Variants in STK3 observed in about 807,000 individuals in gnomAD.
The protein encoded by STK3 is serine/threonine-protein kinase 3.
Under a neutral mutation model 58.0 loss-of-function variants are expected in STK3, and 41 were observed. The ratio of observed to expected loss-of-function variants is 0.71; its 90% CI spans 0.55 to 0.92. The LOEUF (loss-of-function observed/expected upper bound fraction) is 0.92, where lower values mean the gene tolerates loss of function less well. STK3 is among the 40% of genes least tolerant of loss of function. The probability of loss-of-function intolerance (pLI) is 0.00; values close to 1 mark genes in which losing one functional copy is unlikely to be tolerated. For missense variants in STK3, 479 were observed against 602.7 expected, an observed-to-expected ratio of 0.79 and a Z score of 2.15; for synonymous variants, 170 against 191.0, an observed-to-expected ratio of 0.89 and a Z score of 0.91.
intron 3 of STK3, among the ~76,000 whole-genome samples, chr8:98,840,628 T>TATATATATAC (rs1477381215): frequency 2.4e-4 from 27 of 114,426 alleles, no homozygotes; most frequent in Non-Finnish European, 3.4e-4. Context: ...TATATATATA[T>TATATATATAC]ACACACACAT....
At chr8:98,637,709 A>G (rs1563832785) in intron 6 of STK3, among the ~76,000 whole-genome samples, 1 of 152,174 alleles carries the variant, frequency 6.6e-6, no homozygotes, top group Non-Finnish European at 1.5e-5. Flanking sequence ...AAAGTATAAT[A>G]ATCCTTTTTA....
chr8:98,856,470 G>T (rs1436377364), intron 3 of STK3, among the ~76,000 whole-genome samples: 1 of 152,162 alleles, frequency 6.6e-6, no homozygotes, highest in African/African-American at 2.4e-5. Context: ...GACATCATTA[G>T]TCATCAAGGA....
At chr8:98,815,460 G>C (rs1834485539) in intron 1 of STK3, among the ~76,000 whole-genome samples, 1 of 152,182 alleles carries the variant, frequency 6.6e-6, no homozygotes, top group South Asian at 2.1e-4. Context: ...TGGAGAAATG[G>C]ATGATTCCAG....
At chr8:98,458,498 T>C (rs1292470427) in intron 10 of STK3, among the ~76,000 whole-genome samples, 1 of 151,246 alleles carries the variant, frequency 6.6e-6, no homozygotes, top group Middle Eastern at 3.2e-3. Context: ...GATTCTCAGC[T>C]TGGTCACTGT....
At chr8:98,448,611 CTAAT>C (rs1819058495) in intron 1 of STK3, among the ~76,000 whole-genome samples, 2 of 152,164 alleles carry the variant, frequency 1.3e-5, no homozygotes, top group Non-Finnish European at 2.9e-5. Context: ...TTCCACTCAA[CTAAT>C]TACAGTTCAC....
At chr8:98,772,480 C>T (rs867374631) in intron 2 of STK3, among the ~76,000 whole-genome samples, 1 of 152,148 alleles carries the variant, frequency 6.6e-6, no homozygotes, top group South Asian at 2.1e-4. Flanking sequence ...GGGAAGATCA[C>T]CTGAGGTCAG....
intron 1 of STK3, among the ~76,000 whole-genome samples, chr8:98,825,283 T>A (rs1835175637): frequency 6.6e-6 from 1 of 151,956 alleles, no homozygotes; most frequent in Non-Finnish European, 1.5e-5. Flanking sequence ...CACCCGACTT[T>A]CCACGCGCCA....
intron 1 of STK3, among the ~76,000 whole-genome samples, chr8:98,897,027 GAAAGA>G (rs1238676796): frequency 3.4e-5 from 5 of 145,374 alleles, no homozygotes; most frequent in Non-Finnish European, 6.2e-5. Flanking sequence ...AAGAGAAAGA[GAAAGA>G]AAGAAATAAG....
intron 9 of STK3, among the ~76,000 whole-genome samples, chr8:98,536,521 C>T (rs1211234925): frequency 2.0e-5 from 3 of 152,056 alleles, no homozygotes; most frequent in African/African-American, 7.2e-5. Context: ...AGGCACAATC[C>T]TTTCTGTTTT....
At chr8:98,882,145 T>A (rs865795911), downstream of STK3, 2 of 152,348 alleles carry the variant, frequency 1.3e-5, no homozygotes, top group Middle Eastern at 6.8e-3. Flanking sequence ...ATCCATGACT[T>A]ATTCCTGAAA....
chr8:98,738,405 G>T (rs532375375), intron 4 of STK3, among the ~76,000 whole-genome samples: 3 of 152,016 alleles, frequency 2.0e-5, no homozygotes, highest in Non-Finnish European at 4.4e-5. Context: ...TCTGGGAGGC[G>T]GAAGTTGCAG....
intron 1 of STK3, among the ~76,000 whole-genome samples, chr8:98,819,542 G>A (rs1403327042): frequency 6.6e-6 from 1 of 152,192 alleles, no homozygotes; most frequent in Non-Finnish European, 1.5e-5. Flanking sequence ...AGGGAAGACA[G>A]CAGATGCTTT....
intron 4 of STK3, among the ~76,000 whole-genome samples, chr8:98,715,843 T>G (rs980378094): frequency 3.9e-5 from 6 of 152,242 alleles, no homozygotes; most frequent in African/African-American, 1.4e-4. Flanking sequence ...GTATGTTTAC[T>G]GTGGCACTAT....
At chr8:98,752,501 C>G (rs535380121) in intron 3 of STK3, among the ~76,000 whole-genome samples, 1 of 151,950 alleles carries the variant, frequency 6.6e-6, no homozygotes. Flanking sequence ...ATATAAAAAC[C>G]CTGGAAGACA....
intron 3 of STK3, among the ~76,000 whole-genome samples, chr8:98,756,535 G>A (rs1312656623): frequency 6.6e-6 from 1 of 152,158 alleles, no homozygotes; most frequent in Non-Finnish European, 1.5e-5. Flanking sequence ...TTAAGCAGAC[G>A]AATAACATGA....
chr8:98,677,676 C>T (rs1460446397), intron 6 of STK3, among the ~76,000 whole-genome samples: 1 of 152,072 alleles, frequency 6.6e-6, no homozygotes, highest in Non-Finnish European at 1.5e-5. Context: ...TGAAACTCTC[C>T]TAATTCTTCT....
intron 3 of STK3, among the ~76,000 whole-genome samples, chr8:98,873,668 T>C (rs201981917): frequency 1.6e-5 from 2 of 124,628 alleles, no homozygotes; most frequent in African/African-American, 5.5e-5. Context: ...CAACCCCTGC[T>C]TTTTTTTTTT....
chr8:98,394,483 C>A (rs758232728), intron 3 of STK3, among the ~76,000 whole-genome samples: 5 of 151,982 alleles, frequency 3.3e-5, no homozygotes, highest in Admixed American at 6.6e-5. Flanking sequence ...GAATTTGAGA[C>A]CAGCTTGGGC....
intron 6 of STK3, among the ~76,000 whole-genome samples, chr8:98,610,958 T>C (rs1471694352): frequency 6.6e-6 from 1 of 152,116 alleles, no homozygotes; most frequent in Non-Finnish European, 1.5e-5. Flanking sequence ...CATAGTAAAA[T>C]ATAAAAATGC....
Sources: gnomAD v4.1 joint callset for allele counts (sites outside exome capture counted in the v4.1 genomes callset) on GRCh38, gnomAD v4.1.1 for gene constraint, MANE v1.5 for transcripts, NCBI Gene and HGNC (gene_info 2026-07-23, HGNC 2026-07-21) for gene names.